PTPRD: variants seen among roughly 807,000 people sequenced by gnomAD.
PTPRD encodes protein tyrosine phosphatase receptor type D, also known as receptor-type tyrosine-protein phosphatase delta.
In PTPRD, 34 loss-of-function variants were observed where a neutral mutation model predicts 214.5. The observed-to-expected ratio is 0.16, with a 90% CI of 0.12 to 0.21. The LOEUF (loss-of-function observed/expected upper bound fraction) is 0.21. PTPRD is among the 10% of genes least tolerant of loss of function. The pLI, the probability that PTPRD is intolerant of heterozygous loss-of-function variation, is 1.00. For missense variants in PTPRD, 2,545 were observed against 2,398.7 expected, an observed-to-expected ratio of 1.06 and a Z score of -1.27; for synonymous variants, 1,128 against 845.7, an observed-to-expected ratio of 1.33 and a Z score of -5.79.
chr9:10,545,203 A>G (rs148352749), intron 2 of PTPRD, among the ~76,000 whole-genome samples: 170 of 152,298 alleles, frequency 1.1e-3, no homozygotes, highest in African/African-American at 3.9e-3. Flanking sequence ...CAGAAGCTGC[A>G]TATCAGAGAT....
At chr9:8,954,160 G>A (rs938481424) in intron 11 of PTPRD, among the ~76,000 whole-genome samples, 1 of 151,926 alleles carries the variant, frequency 6.6e-6, no homozygotes, top group African/African-American at 2.4e-5. Flanking sequence ...ATACAATGCA[G>A]ACATTAAAAA....
intron 11 of PTPRD, among the ~76,000 whole-genome samples, chr9:8,816,612 C>G (rs1459391827): frequency 6.6e-6 from 1 of 152,174 alleles, no homozygotes; most frequent in Non-Finnish European, 1.5e-5. Context: ...GTTCTGTTAG[C>G]AAACTCATAT....
At chr9:10,317,654 A>C (rs977744934) in intron 3 of PTPRD, among the ~76,000 whole-genome samples, 1 of 152,038 alleles carries the variant, frequency 6.6e-6, no homozygotes, top group Non-Finnish European at 1.5e-5. Context: ...TGTTTTTTAT[A>C]AGCAATCTTA....
At chr9:8,470,124 G>C (rs1279074351) in intron 31 of PTPRD, among the ~76,000 whole-genome samples, 1 of 152,120 alleles carries the variant, frequency 6.6e-6, no homozygotes, top group East Asian at 1.9e-4. Context: ...GGGGCGTTAC[G>C]GTTATTTGCC....
At chr9:10,120,273 AAAT>A (rs746826171) in intron 3 of PTPRD, among the ~76,000 whole-genome samples, 1 of 152,032 alleles carries the variant, frequency 6.6e-6, no homozygotes, top group African/African-American at 2.4e-5. Flanking sequence ...TCAATAAAAG[AAAT>A]AATAATAATA....
chr9:9,918,335 A>C (rs1337808825), intron 5 of PTPRD, among the ~76,000 whole-genome samples: 1 of 133,412 alleles, frequency 7.5e-6, no homozygotes, highest in East Asian at 2.2e-4. Context: ...CCTAGGAATA[A>C]ATTTAACCAA....
rs115164256 is a variant in PTPRD at position 8,620,962 on chromosome 9, A to G, written c.352+12355T>C. Among the ~76,000 whole-genome samples, 1,375 of 152,168 alleles carry G rather than the reference A, an allele frequency of 9.0e-3. 14 individuals carry two copies. The highest frequency in any genetic ancestry group is 0.039 in the East Asian group (203 of 5,152). ...CATCCCAGCAGCGGACCTAGATATT[A>G]TTAAGTCTAAAGCTTACGAAACTTT... On this transcript the variant is annotated intron_variant, in intron 14 of 45. Coordinates refer to ENST00000381196, the MANE Select transcript of PTPRD (RefSeq NM_002839.4).
At position 10,379,751 on chromosome 9, in the gene PTPRD, T is replaced by C. The variant is rs192702663; in HGVS notation, c.-599-38734A>G. On this transcript the variant is annotated intron_variant, in intron 2 of 45. Coordinates refer to ENST00000381196, the MANE Select transcript of PTPRD (RefSeq NM_002839.4). ...CCTTTATGTCTTTCTAACTTATTTA[T>C]GATCAAAAATATTAGAGAAACATAA... is the stretch of plus-strand genomic sequence containing the variant. Among the ~76,000 whole-genome samples, 302 of 152,222 alleles carry C rather than the reference T, an allele frequency of 2.0e-3. 2 individuals are homozygous for C. Among genetic ancestry groups the C allele is most frequent in the African/African-American group, 6.7e-3 (278 of 41,566 alleles).
chr9:9,484,726 G>T (rs544463673), intron 8 of PTPRD, among the ~76,000 whole-genome samples: 26 of 152,170 alleles, frequency 1.7e-4, no homozygotes, highest in Middle Eastern at 3.4e-3. Flanking sequence ...ATTTTACGAG[G>T]TCATATAGGT....
chr9:8,556,107 G>A (rs2083671513), intron 14 of PTPRD, among the ~76,000 whole-genome samples: 1 of 152,140 alleles, frequency 6.6e-6, no homozygotes, highest in African/African-American at 2.4e-5. Flanking sequence ...AAGCTCTCTC[G>A]CCCTGCTTAA....
At chr9:10,157,943 G>A (rs2099103629) in intron 3 of PTPRD, among the ~76,000 whole-genome samples, 1 of 152,004 alleles carries the variant, frequency 6.6e-6, no homozygotes, top group Non-Finnish European at 1.5e-5. Context: ...ACTAATACCG[G>A]TGATTGCATT....
chr9:8,547,869 G>A (rs1157003722), intron 14 of PTPRD, among the ~76,000 whole-genome samples: 3 of 152,108 alleles, frequency 2.0e-5, no homozygotes, highest in Non-Finnish European at 4.4e-5. Flanking sequence ...ACATTAAATA[G>A]CAGTGTATTA....
At chr9:9,414,795 T>G (rs2076518997) in intron 8 of PTPRD, 1 of 152,206 alleles carries the variant, frequency 6.6e-6, no homozygotes, top group African/African-American at 2.4e-5. Flanking sequence ...CATGAGGCAC[T>G]GAGAATAAGA....
At chr9:10,394,055 A>ATT (rs1555273711) in intron 2 of PTPRD, among the ~76,000 whole-genome samples, 1 of 144,498 alleles carries the variant, frequency 6.9e-6, no homozygotes, top group Admixed American at 7.1e-5. Flanking sequence ...ATATATACAT[A>ATT]TTATATATAT....
At chr9:10,334,632 CG>C (rs941275455) in intron 3 of PTPRD, among the ~76,000 whole-genome samples, 7 of 151,326 alleles carry the variant, frequency 4.6e-5, no homozygotes, top group Non-Finnish European at 8.9e-5. Context: ...TCTTTGCTTG[CG>C]GATGACAAGA....
Position 9,336,605 on chromosome 9 carries a change from T to G in PTPRD, c.-203+60844A>C, listed in dbSNP as rs576544746. 3.3e-5 allele frequency among the ~76,000 whole-genome samples: 5 copies of G among 152,244 alleles called. No individual in the cohort carries two copies. The East Asian group carries it at 7.7e-4, about 24-fold the overall frequency. ...ATGGGTTGGCAGGTAATATGTGTTC[T>G]GGGATGAGGATAATCATGCTTTGTA... On this transcript the variant is annotated intron_variant, in intron 9 of 45. Transcript: ENST00000381196.
intron 5 of PTPRD, among the ~76,000 whole-genome samples, chr9:9,772,782 G>C (rs1203246044): frequency 6.6e-6 from 1 of 152,032 alleles, no homozygotes; most frequent in African/African-American, 2.4e-5. Context: ...CATTGCTGGT[G>C]GCACTATAAA....
intron 2 of PTPRD, among the ~76,000 whole-genome samples, chr9:10,521,267 C>T (rs1466694915): frequency 6.6e-6 from 1 of 152,002 alleles, no homozygotes; most frequent in Non-Finnish European, 1.5e-5. Context: ...GAAGTTACTA[C>T]AGAGGTGGTG....
At chr9:9,950,423 G>A (rs2093334721) in intron 4 of PTPRD, among the ~76,000 whole-genome samples, 1 of 151,972 alleles carries the variant, frequency 6.6e-6, no homozygotes, top group Non-Finnish European at 1.5e-5. Flanking sequence ...AGTTTATTTG[G>A]CTTTTAAGAA....
Sources: allele counts gnomAD v4.1 joint callset (sites outside exome capture counted in the v4.1 genomes callset), GRCh38; gene constraint gnomAD v4.1.1; transcripts MANE v1.5; gene names NCBI Gene and HGNC (gene_info 2026-07-23, HGNC 2026-07-21).